The following NLRP4 variants were observed in gnomAD, a reference collection of about 807,000 sequenced individuals.
NLRP4 encodes the protein NLR family pyrin domain containing 4, also known as NACHT, LRR and PYD domains-containing protein 4.
NLRP4 carries 44 observed loss-of-function variants against 84.7 expected under a neutral mutation model. The observed-to-expected ratio is 0.52, with a 90% confidence interval of 0.41 to 0.67. The LOEUF (loss-of-function observed/expected upper bound fraction) is 0.67, where lower values mean the gene tolerates loss of function less well. Ranked by LOEUF, NLRP4 falls within the 30% of genes least tolerant of loss-of-function variation. The pLI, the probability that NLRP4 is intolerant of heterozygous loss-of-function variation, is 0.00. For missense variants in NLRP4, 1,260 were observed against 1,219.4 expected, an observed-to-expected ratio of 1.03 and a Z score of -0.50; for synonymous variants, 544 against 476.4, an observed-to-expected ratio of 1.14 and a Z score of -1.85.
chr19:55,842,926 A>C (rs1242585593), intron 1 of NLRP4, among the ~76,000 whole-genome samples: 1 of 151,726 alleles, frequency 6.6e-6, no homozygotes, highest in African/African-American at 2.4e-5. Context: ...CGCCCGGCTA[A>C]TTTTTTGTGT....
rs371392690 is a variant in NLRP4 at position 55,861,483 on chromosome 19, G to A, written c.1954G>A (p.Glu652Lys). The A allele has an allele frequency of 2.4e-5, 38 of 1,614,070 alleles. No individual in the cohort carries two copies. In the Middle Eastern group the frequency reaches 6.6e-4, roughly 28 times the overall value. ...ELQVQDSTLS[E>K]STFVTWCNQL... ...CCAGGTGCAGGACAGCACCCTCAGC[G>A]AGTCGACCTTTGTGACCTGGTGTAA... Residue 652 changes from glutamate (E) to lysine (K), a missense_variant, in exon 4 of 10, where the codon GAG becomes AAG. Physicochemically the swap from Glu to Lys is moderately conservative, Grantham distance 56. Around this residue, in one of 3 missense-constraint regions of NLRP4, gnomAD observed 544 missense variants for 531.7 expected, o/e 1.02. Transcript: ENST00000301295.
At chr19:55,852,476 GTTTT>G (rs11301833) in intron 2 of NLRP4, 116 bp downstream of exon 2, 957 of 442,056 alleles carry the variant, frequency 2.2e-3, no homozygotes, top group Middle Eastern at 3.6e-3. Flanking sequence ...AAAATATTAG[GTTTT>G]TTTTTTTTTT....
At position 55,873,116 on chromosome 19, in the gene NLRP4, C is replaced by G. The variant is rs139837017; in HGVS notation, c.2525+2119C>G. Among the ~76,000 whole-genome samples the G allele has an allele frequency of 1.7e-3, 263 of 152,186 alleles. 4 individuals are homozygous for G. In the East Asian group the frequency reaches 0.024, roughly 14 times the overall value. On this transcript the variant is annotated intron_variant, in intron 7 of 9. Coordinates refer to ENST00000301295, the MANE Select transcript of NLRP4 (RefSeq NM_134444.5). ...TTTCAAATAAATACCAAGTTTCTTA[C>G]CACCAGATCCTTCCTAAAAGTAATT...
Position 55,877,147 on chromosome 19 carries a change from T to TGCCGCTTAGAGATTCTTGGGTGGGTATC in NLRP4, c.2681_2696+12dup, listed in dbSNP as rs1269422496. 1.4e-5 allele frequency: 22 copies of TGCCGCTTAGAGATTCTTGGGTGGGTATC among 1,613,792 alleles called. No individual in the cohort carries two copies. The highest frequency in any genetic ancestry group is 1.7e-5 in the Non-Finnish European group (20 of 1,179,860). On this transcript the variant is annotated frameshift_variant, in exon 8 of 10. Coordinates refer to ENST00000301295, the MANE Select transcript of NLRP4 (RefSeq NM_134444.5). LOFTEE classifies it high-confidence loss of function. ...GTGTCGGGCTCTGACGCATACGGATTGCCGCTTAGAGATTCTTGGGTGGGT... is the reference window on the plus strand; with the variant it reads ...GTGTCGGGCTCTGACGCATACGGATTGCCGCTTAGAGATTCTTGGGTGGGTATCGCCGCTTAGAGATTCTTGGGTGGGT...
intron 5 of NLRP4, among the ~76,000 whole-genome samples, chr19:55,866,829 G>T (rs1984973442): frequency 6.6e-6 from 1 of 152,188 alleles, no homozygotes; most frequent in Non-Finnish European, 1.5e-5. Flanking sequence ...AATGAAACCT[G>T]TGTTGTCAAG....
Position 55,870,960 on chromosome 19 carries a change from G to A in NLRP4, c.2488G>A (p.Ala830Thr). 2 of 1,614,188 alleles carry A rather than the reference G, an allele frequency of 1.2e-6. No homozygotes were observed. Among genetic ancestry groups the A allele is most frequent in the Non-Finnish European group, 1.7e-6 (2 of 1,180,028 alleles). ...KDEGLKTLCE[A>T]LKHPDCCLDS... Reference sequence around the variant, plus strand: ...CGAAGGACTGAAAACTCTCTGCGAGGCCTTGAAACATCCGGACTGCTGCCT... The same window carrying A: ...CGAAGGACTGAAAACTCTCTGCGAGACCTTGAAACATCCGGACTGCTGCCT... Residue 830 changes from alanine (A) to threonine (T), a missense_variant, in exon 7 of 10, where the codon GCC becomes ACC. This residue lies in a region of NLRP4 where 544 missense variants were observed against 531.7 expected (regional missense o/e 1.02). Coordinates refer to ENST00000301295, the MANE Select transcript of NLRP4 (RefSeq NM_134444.5).
chr19:55,865,827 T>C (rs978883327), intron 5 of NLRP4, among the ~76,000 whole-genome samples: 1 of 152,204 alleles, frequency 6.6e-6, no homozygotes, highest in Non-Finnish European at 1.5e-5. Flanking sequence ...TTACAAGTTA[T>C]ATACGAGACG....
intron 7 of NLRP4, among the ~76,000 whole-genome samples, chr19:55,875,126 C>G (rs918122757): frequency 6.6e-6 from 1 of 152,120 alleles, no homozygotes; most frequent in African/African-American, 2.4e-5. Context: ...AAATCTAAAG[C>G]AAACATTTGT....
At chr19:55,845,305 C>T (rs1483156224) in intron 1 of NLRP4, among the ~76,000 whole-genome samples, 1 of 151,402 alleles carries the variant, frequency 6.6e-6, no homozygotes, top group African/African-American at 2.4e-5. Flanking sequence ...CAATAGTTTG[C>T]TGAGAATGAT....
intron 2 of NLRP4, among the ~76,000 whole-genome samples, chr19:55,856,806 C>T (rs781301825): frequency 6.6e-6 from 1 of 152,078 alleles, no homozygotes; most frequent in South Asian, 2.1e-4. Flanking sequence ...GAACCACTGC[C>T]CCGGCCTGTT....
chr19:55,861,384 A>C lies in NLRP4; in HGVS notation c.1857-2A>C, dbSNP rs1446883750. On this transcript the variant is annotated splice_acceptor_variant, in intron 3 of 9. Coordinates refer to ENST00000301295, the MANE Select transcript of NLRP4 (RefSeq NM_134444.5). LOFTEE classifies it high-confidence loss of function. The stretch of plus-strand genomic sequence containing the variant: ...GGAAAGCTCGTCCTTTCTTGACCAC[A>C]GGTCGGATTACAGCCTCATCTGTTG... The C allele has an allele frequency of 6.2e-7, 1 of 1,612,180 alleles. No individual in the cohort carries two copies. The highest frequency in any genetic ancestry group is 1.7e-5 in the Admixed American group (1 of 59,712).
intron 1 of NLRP4, among the ~76,000 whole-genome samples, chr19:55,837,941 CAGG>C (rs1983435127): frequency 1.3e-5 from 2 of 151,378 alleles, no homozygotes; most frequent in Non-Finnish European, 2.9e-5. Context: ...GAGGCTGAGG[CAGG>C]AGAATTGCCT....
intron 6 of NLRP4, among the ~76,000 whole-genome samples, chr19:55,868,169 G>A (rs1985035478): frequency 6.6e-6 from 1 of 152,220 alleles, no homozygotes; most frequent in African/African-American, 2.4e-5. Context: ...TGTTAGGTTG[G>A]GTTAATGCAC....
Position 55,857,984 on chromosome 19 carries a change from G to A in NLRP4, c.591G>A (p.Pro197=), listed in dbSNP as rs375841788. The A allele has an allele frequency of 3.2e-5, 51 of 1,613,978 alleles. No homozygotes were observed. The highest frequency in any genetic ancestry group is 1.6e-4 in the Middle Eastern group (1 of 6,084). ...GCTGCAGAGAACTGAGGGAGTTGCC[G>A]CCAACGAGTTTGGCTGACTTGATTT... ...YFCCRELREL[P]PTSLADLISR... Residue 197 remains proline, a synonymous_variant, in exon 3 of 10, where the codon CCG becomes CCA. Coordinates refer to ENST00000301295, the MANE Select transcript of NLRP4 (RefSeq NM_134444.5).
chr19:55,849,954 ACTG>A (rs1568658173), intron 1 of NLRP4, among the ~76,000 whole-genome samples: 2 of 54,066 alleles, frequency 3.7e-5, no homozygotes, highest in African/African-American at 1.4e-4. Context: ...AATTTCCGAG[ACTG>A]CGGTGTAATT....
intron 5 of NLRP4, among the ~76,000 whole-genome samples, chr19:55,867,279 CTG>C (rs1352010182): frequency 6.6e-6 from 1 of 151,634 alleles, no homozygotes; most frequent in East Asian, 2.0e-4. Flanking sequence ...TTGGCTGTCT[CTG>C]TACCCCAGAG....
intron 5 of NLRP4, among the ~76,000 whole-genome samples, chr19:55,863,736 C>G (rs528544330): frequency 6.6e-6 from 1 of 152,278 alleles, no homozygotes; most frequent in South Asian, 2.1e-4. Context: ...TGCTCTGTTT[C>G]TTGACCTGGA....
chr19:55,848,696 C>T (rs1266759736), intron 1 of NLRP4, among the ~76,000 whole-genome samples: 2 of 152,180 alleles, frequency 1.3e-5, no homozygotes, highest in African/African-American at 2.4e-5. Flanking sequence ...GCCACCATGC[C>T]CGGCTGTACT....
intron 3 of NLRP4, among the ~76,000 whole-genome samples, chr19:55,861,064 T>A: frequency 6.6e-6 from 1 of 152,254 alleles, no homozygotes; most frequent in Non-Finnish European, 1.5e-5. Flanking sequence ...CCTGTTACAG[T>A]GGGGGGCTCT....
Sources: gnomAD v4.1 joint callset for allele counts (sites outside exome capture counted in the v4.1 genomes callset) on GRCh38, gnomAD v4.1.1 for gene constraint, gnomAD v4.1.1 regional missense constraint, MANE v1.5 for transcripts, NCBI Gene and HGNC (gene_info 2026-07-23, HGNC 2026-07-21) for gene names.